Variants in AXIN1 observed in about 807,000 individuals in gnomAD.
AXIN1 encodes axin 1, also known as axin-1.
AXIN1 carries 30 observed loss-of-function variants against 76.4 expected under a neutral mutation model. The ratio of observed to expected loss-of-function variants is 0.39; its 90% CI spans 0.29 to 0.53. The LOEUF is 0.53. Ranked by LOEUF, AXIN1 falls within the 20% of genes least tolerant of loss-of-function variation. The pLI, the probability that AXIN1 is intolerant of heterozygous loss-of-function variation, is 0.66. For missense variants in AXIN1, 1,140 were observed against 1,198.8 expected, an observed-to-expected ratio of 0.95 and a Z score of 0.72; for synonymous variants, 545 against 501.4, an observed-to-expected ratio of 1.09 and a Z score of -1.16.
chr16:300,002 G>A (rs1217403304), intron 5 of AXIN1, among the ~76,000 whole-genome samples: 2 of 149,430 alleles, frequency 1.3e-5, no homozygotes, highest in Non-Finnish European at 3.0e-5. Flanking sequence ...TCACTCTTGT[G>A]TCCCAGGCTG....
Position 320,991 on chromosome 16 carries a change from G to A in AXIN1, c.879-6308C>T, listed in dbSNP as rs147539529. On this transcript the variant is annotated intron_variant, in intron 2 of 10. Coordinates refer to ENST00000262320, the MANE Select transcript of AXIN1 (RefSeq NM_003502.4). ...CTGACCTTGTGATCTGCCCGCCTCG[G>A]CCTCCCAAAGTGCTGGGATTACAGG... Among the ~76,000 whole-genome samples, 741 of 152,160 alleles carry A rather than the reference G, an allele frequency of 4.9e-3. 2 individuals are homozygous for A. The highest frequency in any genetic ancestry group is 7.2e-3 in the Non-Finnish European group (487 of 68,006).
At chr16:288,394 C>T (rs2052448576) in intron 10 of AXIN1, 146 bp from the exon 11 acceptor site, 4 of 1,199,212 alleles carry the variant, frequency 3.3e-6, no homozygotes, top group Middle Eastern at 2.1e-4. Flanking sequence ...CGCCCCCTCC[C>T]AGGGCAACAG....
chr16:291,770 G>T, intron 8 of AXIN1: 1 of 284,934 alleles, frequency 3.5e-6, no homozygotes, highest in Non-Finnish European at 6.9e-6. Flanking sequence ...GGGCAGCACA[G>T]CAGCTCCTCT....
At chr16:312,506 G>A (rs1467239184) in intron 3 of AXIN1, among the ~76,000 whole-genome samples, 1 of 152,204 alleles carries the variant, frequency 6.6e-6, no homozygotes, top group African/African-American at 2.4e-5. Context: ...TTGGGGAAGA[G>A]GGAAACCAGA....
At position 287,631 on chromosome 16, in the gene AXIN1, C is replaced by T. The variant is rs772269532; in HGVS notation, c.*491G>A. 22 of 317,108 alleles carry T rather than the reference C, an allele frequency of 6.9e-5. No individual in the cohort carries two copies. In the East Asian group the frequency reaches 1.1e-3, roughly 16 times the overall value. 19.6% of individuals were successfully genotyped at this position (317,108 alleles called of 1,614,324 possible). A position where few individuals can be genotyped will look rare whatever the true frequency, so the allele number is the denominator to read the frequency against. On this transcript the variant is annotated 3_prime_UTR_variant, in exon 11 of 11. Coordinates refer to ENST00000262320, the MANE Select transcript of AXIN1 (RefSeq NM_003502.4). ...CACAGCCGGCGGCTGGAGGCAGGTG[C>T]AGTGCTCCGTCGCCGATTCACACAG...
intron 7 of AXIN1, 53 bp downstream of exon 7, chr16:297,003 G>C: frequency 6.3e-7 from 1 of 1,591,630 alleles, no homozygotes. Flanking sequence ...CTGTGCGGAG[G>C]CCAGGGGTGG....
Position 346,690 on chromosome 16 carries a change from G to C in AXIN1, c.336C>G (p.Ala112=), listed in dbSNP as rs768855246. The C allele has an allele frequency of 2.6e-6, 4 of 1,568,358 alleles. No homozygotes were observed. Among genetic ancestry groups the C allele is most frequent in the Non-Finnish European group, 3.5e-6 (4 of 1,157,802 alleles). The change falls in exon 2 of 11, where the codon GCC becomes GCG. Residue 112 remains alanine, a synonymous_variant. Coordinates refer to ENST00000262320, the MANE Select transcript of AXIN1 (RefSeq NM_003502.4). ...AGGCAAACCAGAAGTCCAGCAAGTC[G>C]GCACAGCCCTCCTGCTTCAGGAAAG... ...FRTFLKQEGC[A]DLLDFWFACT...
Position 297,845 on chromosome 16 carries a change from G to A in AXIN1, c.1661C>T (p.Ala554Val), listed in dbSNP as rs2141510295. 1.9e-6 allele frequency: 3 copies of A among 1,577,262 alleles called. No homozygotes were observed. Among genetic ancestry groups the A allele is most frequent in the Non-Finnish European group, 1.7e-6 (2 of 1,160,626 alleles). Reference sequence around the variant, plus strand: ...GAAGCTGCTCTGGGCCCTGCGGGTGGCCTCGGCCTCCACCTGCTCCTTGGG... The same window carrying A: ...GAAGCTGCTCTGGGCCCTGCGGGTGACCTCGGCCTCCACCTGCTCCTTGGG... Reference protein sequence around the residue: ...ARPKEQVEAEATRRAQSSFAW... With the variant: ...ARPKEQVEAEVTRRAQSSFAW... The change falls in exon 6 of 11, where the codon GCC becomes GTC. Residue 554 changes from alanine (A) to valine (V), a missense_variant. Coordinates refer to ENST00000262320, the MANE Select transcript of AXIN1 (RefSeq NM_003502.4).
intron 5 of AXIN1, among the ~76,000 whole-genome samples, chr16:301,067 G>A (rs1281215649): frequency 6.6e-5 from 10 of 151,906 alleles, no homozygotes; most frequent in Non-Finnish European, 1.2e-4. Context: ...TCGGGAGATC[G>A]AGACCATCCT....
intron 2 of AXIN1, among the ~76,000 whole-genome samples, chr16:328,994 G>A (rs1026512077): frequency 2.0e-5 from 3 of 151,974 alleles, no homozygotes; most frequent in Admixed American, 6.6e-5. Context: ...AATGATAGTG[G>A]GCTGGGCACG....
intron 2 of AXIN1, among the ~76,000 whole-genome samples, chr16:342,191 C>CA (rs113869668): frequency 0.067 from 10,249 of 152,200 alleles, 360 homozygotes; most frequent in African/African-American, 0.079. Flanking sequence ...CTGTAACACT[C>CA]ACCGCGAAGA....
At chr16:339,255 G>A (rs1199860867) in intron 2 of AXIN1, among the ~76,000 whole-genome samples, 3 of 145,968 alleles carry the variant, frequency 2.1e-5, no homozygotes, top group Admixed American at 6.9e-5. Context: ...TGTAATCCCA[G>A]CACTTTGGGA....
At chr16:325,900 A>G (rs9925273) in intron 2 of AXIN1, among the ~76,000 whole-genome samples, 29,713 of 152,064 alleles carry the variant, frequency 0.2, 3,354 homozygotes, top group African/African-American at 0.31. Flanking sequence ...AAGGCACAGC[A>G]CACAAAATGC....
rs148792863 is a variant in AXIN1, at chr16:297,064, G to C, written c.1947C>G (p.Thr649=). ...GEKEISRHRR[T]GHGSSGTRKP... ...GCGTGCGGGGTGCTCACCCGTGGCC[G>C]GTCCTGCGGTGCCTGCTGATCTCCT... Residue 649 remains threonine (T), a synonymous_variant, in exon 7 of 11, where the codon ACC becomes ACG. Transcript: ENST00000262320. 6.2e-7 allele frequency: 1 copy of C among 1,611,270 alleles called. No individual in the cohort carries two copies. Among genetic ancestry groups the C allele is most frequent in the South Asian group, 1.1e-5 (1 of 91,086 alleles).
intron 1 of AXIN1, among the ~76,000 whole-genome samples, chr16:351,755 T>C (rs1284091455): frequency 6.6e-6 from 1 of 151,250 alleles, no homozygotes; most frequent in East Asian, 1.9e-4. Flanking sequence ...AAAATATATA[T>C]ATATATATCT....
intron 2 of AXIN1, among the ~76,000 whole-genome samples, chr16:342,405 CG>C (rs1555487062): frequency 6.6e-6 from 1 of 152,160 alleles, no homozygotes; most frequent in Non-Finnish European, 1.5e-5. Context: ...GACGACTAAC[CG>C]GCTCTCCACA....
intron 6 of AXIN1, 89 bp downstream of exon 6, chr16:297,633 G>A: frequency 6.9e-7 from 1 of 1,452,040 alleles, no homozygotes; most frequent in Non-Finnish European, 9.1e-7. Flanking sequence ...GCGGTCCTGG[G>A]TTTCCTGAGT....
intron 10 of AXIN1, among the ~76,000 whole-genome samples, chr16:289,104 G>A (rs1458462342): frequency 1.3e-5 from 2 of 151,372 alleles, no homozygotes; most frequent in African/African-American, 4.9e-5. Context: ...TTGGGCGGGG[G>A]TAGAGACAGA....
intron 2 of AXIN1, among the ~76,000 whole-genome samples, chr16:340,364 A>T (rs1436482625): frequency 3.3e-5 from 5 of 152,254 alleles, no homozygotes; most frequent in Non-Finnish European, 5.9e-5. Context: ...ATATCCAGGA[A>T]GACCCTGTCC....
Sources: allele counts gnomAD v4.1 joint callset (sites outside exome capture counted in the v4.1 genomes callset), GRCh38; gene constraint gnomAD v4.1.1; transcripts MANE v1.5; gene names NCBI Gene and HGNC (gene_info 2026-07-23, HGNC 2026-07-21).